The following FRMPD2 variants were observed in gnomAD, a reference collection of about 807,000 sequenced individuals.
FRMPD2 encodes the protein FERM and PDZ domain-containing protein 2.
A neutral mutation model predicts 140.1 loss-of-function variants in FRMPD2; 96 were observed. The ratio of observed to expected loss-of-function variants is 0.69; its 90% confidence interval spans 0.58 to 0.81. The LOEUF is 0.81. Ranked by LOEUF, FRMPD2 falls within the 40% of genes least tolerant of loss-of-function variation. The probability of loss-of-function intolerance (pLI) is 0.00; values close to 1 mark genes in which losing one functional copy is unlikely to be tolerated. For missense variants in FRMPD2, 1,240 were observed against 1,447.4 expected (o/e 0.86, Z 2.32); for synonymous variants, 449 against 547.6 (o/e 0.82, Z 2.52).
At chr10:48,256,865 T>C (rs1330357255) in intron 1 of FRMPD2, among the ~76,000 whole-genome samples, 1 of 152,196 alleles carries the variant, frequency 6.6e-6, no homozygotes, top group Non-Finnish European at 1.5e-5. Context: ...TGAAATGTTG[T>C]CCCTCAGGAT....
intron 13 of FRMPD2, among the ~76,000 whole-genome samples, chr10:48,210,878 C>T (rs920483193): frequency 1.3e-5 from 2 of 152,246 alleles, no homozygotes; most frequent in Non-Finnish European, 2.9e-5. Flanking sequence ...GACTTCTGTA[C>T]AGGGAAATAC....
At position 48,221,844 on chromosome 10, in the gene FRMPD2, GGGTAGATGGATGGATA is replaced by G. The variant is rs1482566183; in HGVS notation, c.1455+453_1455+468del. Among the ~76,000 whole-genome samples, 71 of 152,262 alleles carry G rather than the reference GGGTAGATGGATGGATA, an allele frequency of 4.7e-4. No homozygotes were observed. The South Asian group carries it at 0.014, about 30-fold the overall frequency. On this transcript the variant is annotated intron_variant, in intron 12 of 28. Coordinates refer to ENST00000374201, the MANE Select transcript of FRMPD2 (RefSeq NM_001018071.4). ...TGGATGGGTGTGTGGGTGGCTGGGT[GGGTAGATGGATGGATA>G]GGTAGATGGATGGGTGGATGGATGG...
rs766160391 is a variant in FRMPD2, at chr10:48,269,064, CTTTAA to C, written c.25+5474_25+5478del. Reference sequence around the variant, plus strand: ...ACTCATCAATTAGAAAAAAACAACTCTTTAATTTAAAAGTTAAGAAATAAACAGGT... The same window carrying C: ...ACTCATCAATTAGAAAAAAACAACTCTTTAAAAGTTAAGAAATAAACAGGT... On this transcript the variant is annotated intron_variant, in intron 1 of 28. Coordinates refer to ENST00000374201, the MANE Select transcript of FRMPD2 (RefSeq NM_001018071.4). Among the ~76,000 whole-genome samples, 7 of 152,224 alleles carry C rather than the reference CTTTAA, an allele frequency of 4.6e-5. No individual in the cohort carries two copies. In the South Asian group the frequency reaches 6.2e-4, roughly 14 times the overall value.
At chr10:48,201,478 C>T (rs1278092854) in intron 14 of FRMPD2, 94 bp from the exon 15 acceptor site, 19 of 1,156,838 alleles carry the variant, frequency 1.6e-5, no homozygotes, top group Non-Finnish European at 2.4e-5. Flanking sequence ...CTTGGTTCCA[C>T]ACCCTGTAGC....
intron 13 of FRMPD2, among the ~76,000 whole-genome samples, chr10:48,209,385 C>T (rs1247006365): frequency 6.6e-6 from 1 of 152,228 alleles, no homozygotes; most frequent in Non-Finnish European, 1.5e-5. Flanking sequence ...TGTGAATCTA[C>T]AGACAGACTA....
chr10:48,241,959 T>A (rs1840123932), intron 5 of FRMPD2: 2 of 395,082 alleles, frequency 5.1e-6, no homozygotes, highest in South Asian at 6.3e-5. Flanking sequence ...AGAACTGCAA[T>A]GACAAGAATG....
At chr10:48,264,203 A>C (rs915050764) in intron 1 of FRMPD2, among the ~76,000 whole-genome samples, 4 of 152,060 alleles carry the variant, frequency 2.6e-5, no homozygotes, top group Admixed American at 1.3e-4. Context: ...TAAGGGTGTG[A>C]AACTAGATGT....
chr10:48,218,732 G>C (rs188129655), intron 12 of FRMPD2, among the ~76,000 whole-genome samples: 2 of 152,290 alleles, frequency 1.3e-5, no homozygotes, highest in African/African-American at 2.4e-5. Flanking sequence ...AGCCATGAAA[G>C]GCAAATGTGA....
At chr10:48,220,120 T>A (rs1179733215) in intron 12 of FRMPD2, among the ~76,000 whole-genome samples, 1 of 152,146 alleles carries the variant, frequency 6.6e-6, no homozygotes, top group East Asian at 1.9e-4. Context: ...GGTTGGCTAT[T>A]ACTATTCAAA....
chr10:48,206,381 T>C (rs1470173483), intron 14 of FRMPD2, among the ~76,000 whole-genome samples: 1 of 152,158 alleles, frequency 6.6e-6, no homozygotes, highest in African/African-American at 2.4e-5. Flanking sequence ...CAACCTAAAC[T>C]ACACTCTCAA....
At chr10:48,224,268 C>T (rs113363551) in intron 10 of FRMPD2, among the ~76,000 whole-genome samples, 2,115 of 152,262 alleles carry the variant, frequency 0.014, 38 homozygotes, top group African/African-American at 0.047. Flanking sequence ...CTGGGGACTG[C>T]TGCAGGTCTG....
intron 10 of FRMPD2, among the ~76,000 whole-genome samples, chr10:48,228,093 T>C (rs1406221438): frequency 6.6e-6 from 1 of 152,158 alleles, no homozygotes; most frequent in East Asian, 1.9e-4. Flanking sequence ...AAAAAAGCCA[T>C]ATGTTTTAAC....
rs571595081 is a variant in FRMPD2, at chr10:48,201,039, T to A, written c.1954+189A>T. 3.3e-5 allele frequency among the ~76,000 whole-genome samples: 5 copies of A among 152,356 alleles called. No homozygotes were observed. In the South Asian group the frequency reaches 1.0e-3, roughly 32 times the overall value. ...ATCATATCAATTTATCCTCCCAGTGTTATTTATTTTAGTGCTTGCCAACAT... is the reference window on the plus strand; with the variant it reads ...ATCATATCAATTTATCCTCCCAGTGATATTTATTTTAGTGCTTGCCAACAT... On this transcript the variant is annotated intron_variant, in intron 15 of 28. Transcript: ENST00000374201.
Position 48,236,399 on chromosome 10 carries a change from C to T in FRMPD2, c.993+83G>A, listed in dbSNP as rs1839968259. On this transcript the variant is annotated intron_variant, in intron 9 of 28. Coordinates refer to ENST00000374201, the MANE Select transcript of FRMPD2 (RefSeq NM_001018071.4). ...CCACTGGGGTGTTCCCATGTGAGAC[C>T]CCATTCAGACACAATTGGCCTCCCG... The T allele has an allele frequency of 5.3e-6, 6 of 1,142,632 alleles. No homozygotes were observed. In the East Asian group the frequency reaches 1.2e-4, roughly 22 times the overall value. The allele number at this position is 1,142,632 out of a possible 1,614,324, so 70.8% of individuals were successfully genotyped here. A position where few individuals can be genotyped will look rare whatever the true frequency, so the allele number is the denominator to read the frequency against.
chr10:48,209,847 A>G (rs1216702039), intron 13 of FRMPD2, among the ~76,000 whole-genome samples: 2 of 152,254 alleles, frequency 1.3e-5, no homozygotes, highest in Non-Finnish European at 2.9e-5. Context: ...AAATAGTCCC[A>G]TATTGGAAAC....
intron 15 of FRMPD2, among the ~76,000 whole-genome samples, chr10:48,200,758 A>G (rs1288628693): frequency 6.6e-5 from 10 of 152,176 alleles, no homozygotes; most frequent in Admixed American, 6.5e-4. Flanking sequence ...ATTGTCCAAA[A>G]ACTGATTTTA....
At chr10:48,240,288 C>A in intron 6 of FRMPD2, 72 bp downstream of exon 6, 1 of 1,520,560 alleles carries the variant, frequency 6.6e-7, no homozygotes, top group Non-Finnish European at 9.0e-7. Flanking sequence ...GGATGTGTAG[C>A]CCATACAGGG....
chr10:48,255,201 G>A (rs1020249089), intron 1 of FRMPD2, among the ~76,000 whole-genome samples: 2 of 152,076 alleles, frequency 1.3e-5, no homozygotes, highest in African/African-American at 4.8e-5. Flanking sequence ...TCATCTAGTA[G>A]CATAGAAGTC....
chr10:48,206,618 CA>C, intron 14 of FRMPD2, 129 bp downstream of exon 14: 6 of 718,396 alleles, frequency 8.4e-6, no homozygotes, highest in Non-Finnish European at 1.4e-5. Flanking sequence ...TGCAGGTTAA[CA>C]AACAGACAGG....
Sources: gnomAD v4.1 joint callset for allele counts (sites outside exome capture counted in the v4.1 genomes callset) on GRCh38, gnomAD v4.1.1 for gene constraint, MANE v1.5 for transcripts, NCBI Gene and HGNC (gene_info 2026-07-23, HGNC 2026-07-21) for gene names.